The following FAM135B variants were observed in gnomAD, a reference collection of about 807,000 sequenced individuals.
FAM135B encodes protein FAM135B.
A neutral mutation model predicts 127.7 loss-of-function variants in FAM135B; 43 were observed. That is an observed-to-expected ratio of 0.34 (90% CI 0.26 to 0.43). The LOEUF is 0.43. FAM135B is among the 20% of genes least tolerant of loss of function. The pLI, the probability that FAM135B is intolerant of heterozygous loss-of-function variation, is 1.00. For missense variants in FAM135B, 1,558 were observed against 1,725.6 expected (o/e 0.90, Z 1.72); for synonymous variants, 670 against 665.1 (o/e 1.01, Z -0.11).
At chr8:138,354,841 A>G (rs1192384982) in intron 2 of FAM135B, among the ~76,000 whole-genome samples, 1 of 152,150 alleles carries the variant, frequency 6.6e-6, no homozygotes, top group Non-Finnish European at 1.5e-5. Flanking sequence ...CATCGGCAAG[A>G]AGTGAGTGAG....
chr8:138,289,960 T>C (rs972600114), intron 3 of FAM135B, among the ~76,000 whole-genome samples: 18 of 152,158 alleles, frequency 1.2e-4, no homozygotes, highest in African/African-American at 4.3e-4. Flanking sequence ...GGTGAGAACA[T>C]CACAAACAGG....
At chr8:138,263,972 T>C (rs1291792383) in intron 4 of FAM135B, among the ~76,000 whole-genome samples, 2 of 152,182 alleles carry the variant, frequency 1.3e-5, no homozygotes, top group Non-Finnish European at 2.9e-5. Context: ...ACAAAATCAG[T>C]GGATTTCTAT....
chr8:138,310,745 G>A (rs1318918576), intron 3 of FAM135B, 96 bp downstream of exon 3: 2 of 1,091,950 alleles, frequency 1.8e-6, no homozygotes, highest in African/African-American at 3.1e-5. Context: ...GACTGAGTAT[G>A]TCTACATGCC....
rs528274565 is a variant in FAM135B, at chr8:138,388,361, C to T, written c.-19-20359G>A. Among the ~76,000 whole-genome samples, 21 of 152,322 alleles carry T rather than the reference C, an allele frequency of 1.4e-4. No homozygotes were observed. The South Asian group carries it at 4.1e-3, about 30-fold the overall frequency. On this transcript the variant is annotated intron_variant, in intron 1 of 19. Coordinates refer to ENST00000395297, the MANE Select transcript of FAM135B (RefSeq NM_015912.4). ...AGTTTTGTATGAAATGAAATATACT[C>T]TTACTATAAGATCCAGTAATTGTGC...
chr8:138,231,825 G>A (rs766835288), intron 7 of FAM135B, among the ~76,000 whole-genome samples: 1 of 152,170 alleles, frequency 6.6e-6, no homozygotes, highest in South Asian at 2.1e-4. Flanking sequence ...ATAAATAAAT[G>A]CTCACTACAT....
chr8:138,147,613 A>T (rs1817758351), intron 14 of FAM135B, among the ~76,000 whole-genome samples: 1 of 152,186 alleles, frequency 6.6e-6, no homozygotes, highest in Admixed American at 6.5e-5. Context: ...ATGCACCTTG[A>T]ACTAGAGAAG....
intron 3 of FAM135B, among the ~76,000 whole-genome samples, chr8:138,298,102 C>A (rs755884464): frequency 2.0e-5 from 3 of 152,110 alleles, no homozygotes; most frequent in Non-Finnish European, 2.9e-5. Flanking sequence ...AAAACAGGGA[C>A]CTATTCATAT....
chr8:138,495,827 C>T (rs1815369655), intron 1 of FAM135B, among the ~76,000 whole-genome samples: 1 of 152,250 alleles, frequency 6.6e-6, no homozygotes, highest in South Asian at 2.1e-4. Context: ...GCATCATAAC[C>T]TGATGGAAAA....
At position 138,149,575 on chromosome 8, in the gene FAM135B, C is replaced by G. The variant is rs116651533; in HGVS notation, c.3282-889G>C. The stretch of plus-strand genomic sequence containing the variant: ...AAGATGATGGTTAGGGGACTGGACT[C>G]TGGAGTCAGACTGCCAAGGTCAGAA... On this transcript the variant is annotated intron_variant, in intron 13 of 19. Transcript: ENST00000395297. Among the ~76,000 whole-genome samples, 453 of 152,274 alleles carry G rather than the reference C, an allele frequency of 3.0e-3. 1 individual carries two copies. Among genetic ancestry groups the G allele is most frequent in the African/African-American group, 0.01 (417 of 41,556 alleles).
chr8:138,419,873 C>T (rs1021830665), intron 1 of FAM135B, among the ~76,000 whole-genome samples: 13 of 152,094 alleles, frequency 8.5e-5, no homozygotes, highest in African/African-American at 3.1e-4. Flanking sequence ...TAGTGCTAAA[C>T]ACCTACATCA....
chr8:138,357,231 T>C (rs1830145677), intron 2 of FAM135B, among the ~76,000 whole-genome samples: 1 of 152,166 alleles, frequency 6.6e-6, no homozygotes, highest in Admixed American at 6.6e-5. Context: ...CCCCCATTTA[T>C]AAAATGCTCT....
chr8:138,229,700 AT>A (rs1819764849), intron 7 of FAM135B, among the ~76,000 whole-genome samples: 1 of 152,158 alleles, frequency 6.6e-6, no homozygotes, highest in Admixed American at 6.5e-5. Flanking sequence ...AGACTGGGTA[AT>A]TGAGAAAGGA....
chr8:138,260,276 G>C (rs1390295278), intron 4 of FAM135B, among the ~76,000 whole-genome samples: 4 of 152,174 alleles, frequency 2.6e-5, no homozygotes, highest in Non-Finnish European at 4.4e-5. Context: ...CCAGGGCTGA[G>C]TCGCAACTGT....
intron 1 of FAM135B, among the ~76,000 whole-genome samples, chr8:138,380,656 C>T (rs1831795147): frequency 2.6e-5 from 4 of 151,908 alleles, no homozygotes; most frequent in Admixed American, 2.6e-4. Context: ...CCCCTGTCTC[C>T]AGATTTGTAG....
chr8:138,272,328 G>T (rs1823448322), intron 3 of FAM135B, among the ~76,000 whole-genome samples: 1 of 152,074 alleles, frequency 6.6e-6, no homozygotes, highest in Non-Finnish European at 1.5e-5. Flanking sequence ...TATGACTTTT[G>T]GAAGTTACCC....
intron 3 of FAM135B, among the ~76,000 whole-genome samples, chr8:138,284,616 C>T (rs1824526253): frequency 2.0e-5 from 3 of 151,898 alleles, no homozygotes; most frequent in African/African-American, 7.2e-5. Context: ...TCACAAGCTA[C>T]CTTTGCCCAT....
intron 2 of FAM135B, among the ~76,000 whole-genome samples, chr8:138,311,783 T>C (rs1826703063): frequency 1.3e-5 from 2 of 152,202 alleles, no homozygotes; most frequent in Non-Finnish European, 1.5e-5. Context: ...AGAATGTTTC[T>C]GCTGGCAGTC....
intron 7 of FAM135B, among the ~76,000 whole-genome samples, chr8:138,225,908 G>C (rs191199985): frequency 6.6e-6 from 1 of 152,258 alleles, no homozygotes; most frequent in East Asian, 1.9e-4. Flanking sequence ...ACTATGCCCA[G>C]AGGAGGGAGG....
Position 138,496,726 on chromosome 8 carries a change from CCT to C in FAM135B, c.-77_-76del. 6.5e-6 allele frequency: 1 copy of C among 153,544 alleles called. No homozygotes were observed. The highest frequency in any genetic ancestry group is 1.4e-5 in the Non-Finnish European group (1 of 68,998). 9.5% of individuals were successfully genotyped at this position (153,544 alleles called of 1,614,324 possible). ...CCCCCGGGGGCCGCGCTCCTGGGTCCCTCTCTCTCCTCTTTCGCCGTCTCTGG... is the reference window on the plus strand; with the variant it reads ...CCCCCGGGGGCCGCGCTCCTGGGTCCCTCTCTCCTCTTTCGCCGTCTCTGG... On this transcript the variant is annotated 5_prime_UTR_variant, in exon 1 of 20. Coordinates refer to ENST00000395297, the MANE Select transcript of FAM135B (RefSeq NM_015912.4).
Sources: gnomAD v4.1 joint callset for allele counts (sites outside exome capture counted in the v4.1 genomes callset) on GRCh38, gnomAD v4.1.1 for gene constraint, MANE v1.5 for transcripts, NCBI Gene and HGNC (gene_info 2026-07-23, HGNC 2026-07-21) for gene names.